The following KCNQ2 variants were observed in gnomAD, a reference collection of about 807,000 sequenced individuals.
KCNQ2 encodes the protein potassium voltage-gated channel subfamily Q member 2.
Under a neutral mutation model 84.8 loss-of-function variants are expected in KCNQ2, and 14 were observed. That is an observed-to-expected ratio of 0.17 (90% CI 0.11 to 0.26). The LOEUF (loss-of-function observed/expected upper bound fraction) is 0.26, where lower values mean the gene tolerates loss of function less well. Ranked by LOEUF, KCNQ2 falls within the 10% of genes least tolerant of loss-of-function variation. The pLI, the probability that KCNQ2 is intolerant of heterozygous loss-of-function variation, is 1.00. For synonymous variants in KCNQ2, 599 were observed against 554.1 expected, an observed-to-expected ratio of 1.08 and a Z score of -1.14; for missense variants, 788 against 1,254.0, an observed-to-expected ratio of 0.63 and a Z score of 5.61.
Position 63,439,713 on chromosome 20 carries a change from G to A in KCNQ2, c.817-5C>T, listed in dbSNP as rs774780027. 2.2e-5 allele frequency: 36 copies of A among 1,605,394 alleles called. No homozygotes were observed. The highest frequency in any genetic ancestry group is 2.8e-5 in the Non-Finnish European group (33 of 1,172,646). On this transcript the variant is annotated splice_region_variant and splice_polypyrimidine_tract_variant and intron_variant, in intron 5 of 16. Transcript: ENST00000359125. ...GCCAATGGTGGTCAGCGTGATCTGT[G>A]GGACCGCAGGCTCTAGTCACACGAA...
At chr20:63,411,229 T>C (rs2080111228) in intron 15 of KCNQ2, among the ~76,000 whole-genome samples, 1 of 152,186 alleles carries the variant, frequency 6.6e-6, no homozygotes, top group Non-Finnish European at 1.5e-5. Flanking sequence ...GCTGTGACCG[T>C]CTGTATCTTC....
chr20:63,407,174 C>T lies in KCNQ2; in HGVS notation c.2089G>A (p.Gly697Ser), dbSNP rs1319597206. 2 of 1,603,580 alleles carry T rather than the reference C, an allele frequency of 1.2e-6. No homozygotes were observed. Among genetic ancestry groups the T allele is most frequent in the Non-Finnish European group, 1.7e-6 (2 of 1,177,984 alleles). ...GGGGGCGCCGAGAAGTTCTTCTGGCCCGTGGAGCTGCTGGAGCGCACGATC... is the reference window on the plus strand; with the variant it reads ...GGGGGCGCCGAGAAGTTCTTCTGGCTCGTGGAGCTGCTGGAGCGCACGATC... ...VKIVRSSSST[G>S]QKNFSAPPAA... The change falls in exon 17 of 17, where the codon GGC (glycine) becomes AGC (serine). Residue 697 changes from glycine to serine, a missense_variant. Coordinates refer to ENST00000359125, the MANE Select transcript of KCNQ2 (RefSeq NM_172107.4). This position sits in a 1 kb window ranked among gnomAD's most constrained non-coding sequence, Gnocchi z 7.2.
In KCNQ2 at chr20:63,414,067, C is replaced by T; in HGVS notation, c.1631+21G>A. 1 of 1,593,004 alleles carries T rather than the reference C, an allele frequency of 6.3e-7. No homozygotes were observed. Among genetic ancestry groups the T allele is most frequent in the Non-Finnish European group, 8.6e-7 (1 of 1,161,736 alleles). ...GGCCCCTCCTCACTCCCCCAGGCTCCCGGCTGGGCAGGGGCCTCACCACAC... is the reference window on the plus strand; with the variant it reads ...GGCCCCTCCTCACTCCCCCAGGCTCTCGGCTGGGCAGGGGCCTCACCACAC... On this transcript the variant is annotated intron_variant, in intron 14 of 16. Transcript: ENST00000359125. This position sits in a 1 kb window ranked among gnomAD's most constrained non-coding sequence, Gnocchi z 6.6.
At chr20:63,431,826 C>T (rs980316092) in intron 8 of KCNQ2, among the ~76,000 whole-genome samples, 2 of 152,172 alleles carry the variant, frequency 1.3e-5, no homozygotes, top group Admixed American at 1.3e-4. Context: ...CTTAGAATTC[C>T]CAGCCACACT....
chr20:63,411,770 C>T, intron 15 of KCNQ2: 1 of 603,430 alleles, frequency 1.7e-6, no homozygotes, highest in Non-Finnish European at 3.0e-6. Context: ...CGCTGGCATC[C>T]TAACCTAGGT....
intron 1 of KCNQ2, among the ~76,000 whole-genome samples, chr20:63,466,108 C>G (rs2082074904): frequency 6.6e-6 from 1 of 152,192 alleles, no homozygotes; most frequent in Non-Finnish European, 1.5e-5. Flanking sequence ...CCTCAGGATG[C>G]TGGGAACACG....
At chr20:63,428,577 G>C in intron 9 of KCNQ2, 142 bp from the exon 10 acceptor site, 2 of 719,386 alleles carry the variant, frequency 2.8e-6, no homozygotes, top group Non-Finnish European at 4.9e-6. Context: ...CTTTCAGGCA[G>C]CTGCCCACTG....
In KCNQ2 at chr20:63,472,640, G is replaced by GA. The variant is rs899082438; in HGVS notation, c.-178_-177insT. On this transcript the variant is annotated 5_prime_UTR_variant, in exon 1 of 17. Coordinates refer to ENST00000359125, the MANE Select transcript of KCNQ2 (RefSeq NM_172107.4). ...AGACGCTGCGGCCACCTCGCTCCGCGCGCACCTCGGCGCCTGGCCCGCGGC... is the reference window on the plus strand; with the variant it reads ...AGACGCTGCGGCCACCTCGCTCCGCGACGCACCTCGGCGCCTGGCCCGCGGC... The GA allele has an allele frequency of 6.8e-5, 17 of 248,282 alleles. No homozygotes were observed. The highest frequency in any genetic ancestry group is 9.9e-5 in the Non-Finnish European group (16 of 161,384). 15.4% of individuals were successfully genotyped at this position (248,282 alleles called of 1,614,324 possible).
At chr20:63,430,275 C>A (rs542968673) in intron 9 of KCNQ2, among the ~76,000 whole-genome samples, 2 of 152,246 alleles carry the variant, frequency 1.3e-5, no homozygotes, top group Admixed American at 1.3e-4. Context: ...AGGAGGCAGC[C>A]GGCTTCAGCG....
At chr20:63,442,701 T>TCACCACCACCACCAC in intron 4 of KCNQ2, among the ~76,000 whole-genome samples, 170 bp from the exon 5 acceptor site, 1 of 48,130 alleles carries the variant, frequency 2.1e-5, no homozygotes, top group East Asian at 7.5e-4. Context: ...ATCACCACCA[T>TCACCACCACCACCAC]CACCATCACC....
intron 1 of KCNQ2, 46 bp downstream of exon 1, chr20:63,472,122 G>T: frequency 7.3e-7 from 1 of 1,366,198 alleles, no homozygotes; most frequent in Non-Finnish European, 9.7e-7. Flanking sequence ...GGTCGCCGAT[G>T]GGGGTCGCCA....
intron 15 of KCNQ2, among the ~76,000 whole-genome samples, chr20:63,410,290 C>G (rs1206688944): frequency 1.3e-5 from 2 of 152,164 alleles, no homozygotes; most frequent in African/African-American, 4.8e-5. Context: ...GCCCTGGCCA[C>G]GGGCTCAGCC....
chr20:63,440,961 TTTTG>T (rs891369222), intron 5 of KCNQ2, among the ~76,000 whole-genome samples: 81 of 149,932 alleles, frequency 5.4e-4, no homozygotes, highest in Non-Finnish European at 7.9e-4. Flanking sequence ...AGGCGTGGTT[TTTTG>T]TTTGTTTGTT....
chr20:63,413,599 G>A lies in KCNQ2; in HGVS notation c.1632-18C>T, dbSNP rs368910668. On this transcript the variant is annotated intron_variant, in intron 14 of 16. Coordinates refer to ENST00000359125, the MANE Select transcript of KCNQ2 (RefSeq NM_172107.4). The stretch of plus-strand genomic sequence containing the variant: ...GCATGACACTGCAGGGGGGTGGGTG[G>A]GGCTGTGAGCCCTGGGCCAGAGACC... 2.5e-6 allele frequency: 4 copies of A among 1,610,952 alleles called. No homozygotes were observed. The highest frequency in any genetic ancestry group is 3.4e-6 in the Non-Finnish European group (4 of 1,178,484).
chr20:63,442,782 C>CACCATCAT (rs1555872407), intron 4 of KCNQ2, among the ~76,000 whole-genome samples: 89 of 31,764 alleles, frequency 2.8e-3, no homozygotes, highest in Admixed American at 4.8e-3. Flanking sequence ...ATCACCACCA[C>CACCATCAT]CACCATCACC....
chr20:63,409,102 T>C (rs1265052762), intron 15 of KCNQ2, among the ~76,000 whole-genome samples: 1 of 152,168 alleles, frequency 6.6e-6, no homozygotes, highest in East Asian at 1.9e-4. Flanking sequence ...GCGTGAGAGC[T>C]GCGGCTCCAT....
At chr20:63,442,150 G>A (rs1438051153) in intron 5 of KCNQ2, among the ~76,000 whole-genome samples, 3 of 151,996 alleles carry the variant, frequency 2.0e-5, no homozygotes, top group Non-Finnish European at 2.9e-5. Flanking sequence ...TGCCCACCAC[G>A]GCTGAGCTCA....
At chr20:63,416,201 G>A (rs1025870314) in intron 12 of KCNQ2, among the ~76,000 whole-genome samples, 5 of 152,170 alleles carry the variant, frequency 3.3e-5, no homozygotes, top group Non-Finnish European at 7.4e-5. Context: ...GCTGTGGCCC[G>A]GCCCCCTCGG....
At chr20:63,440,230 G>A (rs2081118812) in intron 5 of KCNQ2, among the ~76,000 whole-genome samples, 1 of 152,118 alleles carries the variant, frequency 6.6e-6, no homozygotes, top group African/African-American at 2.4e-5. Context: ...GACCCCAGGG[G>A]TTGTGCTTAG....
Sources: gnomAD v4.1 joint callset for allele counts (sites outside exome capture counted in the v4.1 genomes callset) on GRCh38, gnomAD v4.1.1 for gene constraint, Gnocchi (gnomAD v3.1) non-coding constraint, MANE v1.5 for transcripts, NCBI Gene and HGNC (gene_info 2026-07-23, HGNC 2026-07-21) for gene names.